The following THAP12 variants were observed in gnomAD, a reference collection of about 807,000 sequenced individuals.
THAP12 encodes 52 kDa repressor of the inhibitor of the protein kinase.
Under a neutral mutation model 63.0 loss-of-function variants are expected in THAP12, and 20 were observed. The observed-to-expected ratio is 0.32, with a 90% confidence interval of 0.22 to 0.46. The LOEUF is 0.46. Ranked by LOEUF, THAP12 falls within the 20% of genes least tolerant of loss-of-function variation. The probability of loss-of-function intolerance (pLI) is 1.00; values close to 1 mark genes in which losing one functional copy is unlikely to be tolerated. For synonymous variants in THAP12, 264 were observed against 328.4 expected, an observed-to-expected ratio of 0.80 and a Z score of 2.12; for missense variants, 568 against 908.2, an observed-to-expected ratio of 0.63 and a Z score of 4.81.
intron 1 of THAP12, among the ~76,000 whole-genome samples, chr11:76,374,585 T>G (rs994606733): frequency 6.6e-6 from 1 of 152,164 alleles, no homozygotes; most frequent in Non-Finnish European, 1.5e-5. Flanking sequence ...AACACTCAGA[T>G]CTGAATAATA....
intron 1 of THAP12, among the ~76,000 whole-genome samples, chr11:76,371,133 C>T (rs1453452754): frequency 6.6e-6 from 1 of 152,180 alleles, no homozygotes; most frequent in African/African-American, 2.4e-5. Flanking sequence ...CTACTAGTAT[C>T]TCTTCCAAAC....
chr11:76,353,102 G>C (rs1039545333), intron 4 of THAP12, among the ~76,000 whole-genome samples: 1 of 151,984 alleles, frequency 6.6e-6, no homozygotes, highest in African/African-American at 2.4e-5. Flanking sequence ...GCCCAGGCTG[G>C]TCTTGAACTC....
intron 1 of THAP12, among the ~76,000 whole-genome samples, chr11:76,374,485 C>T (rs986195655): frequency 6.6e-6 from 1 of 151,780 alleles, no homozygotes; most frequent in Admixed American, 6.6e-5. Flanking sequence ...ATAAATTTTC[C>T]AAAATTCTAA....
At chr11:76,373,006 C>T (rs1946684813) in intron 1 of THAP12, among the ~76,000 whole-genome samples, 1 of 152,134 alleles carries the variant, frequency 6.6e-6, no homozygotes, top group Non-Finnish European at 1.5e-5. Context: ...TAGCTAACCT[C>T]TCTGTACCTA....
chr11:76,369,611 T>C (rs935997288), intron 1 of THAP12, among the ~76,000 whole-genome samples: 1 of 152,070 alleles, frequency 6.6e-6, no homozygotes, highest in Non-Finnish European at 1.5e-5. Context: ...TCAATGTGCC[T>C]AGACTGCTTG....
intron 1 of THAP12, among the ~76,000 whole-genome samples, chr11:76,375,189 G>A (rs1168455158): frequency 6.6e-6 from 1 of 152,174 alleles, no homozygotes; most frequent in East Asian, 1.9e-4. Flanking sequence ...AACCTTGGAA[G>A]CCCTCACCCA....
At chr11:76,377,405 A>T (rs1318627209) in intron 1 of THAP12, among the ~76,000 whole-genome samples, 1 of 151,490 alleles carries the variant, frequency 6.6e-6, no homozygotes, top group Non-Finnish European at 1.5e-5. Context: ...GTTGCTCCCC[A>T]CTCTCCCTTT....
chr11:76,368,650 G>C (rs114707188), intron 1 of THAP12: 5 of 152,310 alleles, frequency 3.3e-5, no homozygotes, highest in African/African-American at 1.2e-4. Flanking sequence ...AGGTAGCTCT[G>C]AACAGCAGCA....
chr11:76,351,124 T>G lies in THAP12; in HGVS notation c.2026A>C (p.Asn676His). 1.2e-6 allele frequency: 2 copies of G among 1,609,166 alleles called. No individual in the cohort carries two copies. Among genetic ancestry groups the G allele is most frequent in the Non-Finnish European group, 1.7e-6 (2 of 1,178,542 alleles). ...AGGACCTTCAGCAATGCATACACAT[T>G]AGGAAAAAACTTGATGTCAGGCAGG... Reference protein sequence around the residue: ...LHLPDIKFFPNVYALLKVLCI... With the variant: ...LHLPDIKFFPHVYALLKVLCI... The change falls in exon 5 of 5, where the codon AAT becomes CAT. Residue 676 changes from asparagine to histidine, a missense_variant. By Grantham distance (68) the Asn-to-His change is moderately conservative (BLOSUM62 1). Coordinates refer to ENST00000260045, the MANE Select transcript of THAP12 (RefSeq NM_004705.4).
At chr11:76,356,512 T>C (rs571066881) in intron 3 of THAP12, 5 of 152,216 alleles carry the variant, frequency 3.3e-5, no homozygotes, top group Admixed American at 6.5e-5. Flanking sequence ...CAGCAAGTGA[T>C]TGAGCTCCTC....
chr11:76,360,871 G>A (rs1392173442), intron 3 of THAP12, 85 bp downstream of exon 3: 1 of 900,704 alleles, frequency 1.1e-6, no homozygotes, highest in East Asian at 2.5e-5. Flanking sequence ...AGAGTAATTT[G>A]GATTAATTTT....
intron 1 of THAP12, among the ~76,000 whole-genome samples, chr11:76,377,056 C>T (rs893255781): frequency 3.3e-5 from 5 of 152,304 alleles, no homozygotes; most frequent in African/African-American, 1.2e-4. Context: ...GAACTTAAAA[C>T]ACTGGGAATG....
intron 3 of THAP12, chr11:76,356,259 G>A (rs1323703261): frequency 6.6e-6 from 1 of 152,200 alleles, no homozygotes; most frequent in Non-Finnish European, 1.5e-5. Context: ...TGAGCCACCT[G>A]TTACTTTCTG....
At chr11:76,372,651 C>G (rs1042148358) in intron 1 of THAP12, among the ~76,000 whole-genome samples, 1 of 150,646 alleles carries the variant, frequency 6.6e-6, no homozygotes, top group Non-Finnish European at 1.5e-5. Context: ...TTTGAGAGGC[C>G]AAGGCAAGAG....
Position 76,350,618 on chromosome 11 carries a change from A to G in THAP12, c.*246T>C. Reference sequence around the variant, plus strand: ...AATGACTTAACTGAAACAATTCCAGAGTGCCATCAACAGAGATCACGCAAA... The same window carrying G: ...AATGACTTAACTGAAACAATTCCAGGGTGCCATCAACAGAGATCACGCAAA... On this transcript the variant is annotated 3_prime_UTR_variant, in exon 5 of 5. Transcript: ENST00000260045. 1 of 331,802 alleles carries G rather than the reference A, an allele frequency of 3.0e-6. No individual in the cohort carries two copies. The allele number at this position is 331,802 out of a possible 1,614,324, so 20.6% of individuals were successfully genotyped here. A position where few individuals can be genotyped will look rare whatever the true frequency, so the allele number is the denominator to read the frequency against.
At position 76,350,367 on chromosome 11, in the gene THAP12, T is replaced by C. The variant is rs1265633066; in HGVS notation, c.*497A>G. The C allele has an allele frequency of 6.6e-6, 1 of 152,446 alleles. No individual in the cohort carries two copies. The highest frequency in any genetic ancestry group is 2.4e-5 in the African/African-American group (1 of 41,474). The allele number at this position is 152,446 out of a possible 1,614,324, so 9.4% of individuals were successfully genotyped here. On this transcript the variant is annotated 3_prime_UTR_variant, in exon 5 of 5. Coordinates refer to ENST00000260045, the MANE Select transcript of THAP12 (RefSeq NM_004705.4). Reference sequence around the variant, plus strand: ...AAGACAAAATCTACACTGAAATCCTTGTTTGGTGAGCTCACAAGCTTTTCT... The same window carrying C: ...AAGACAAAATCTACACTGAAATCCTCGTTTGGTGAGCTCACAAGCTTTTCT...
intron 1 of THAP12, among the ~76,000 whole-genome samples, chr11:76,373,884 T>C (rs1374873326): frequency 6.6e-6 from 1 of 152,150 alleles, no homozygotes; most frequent in Non-Finnish European, 1.5e-5. Context: ...AAAATATTTA[T>C]TAATTCATTA....
At position 76,351,842 on chromosome 11, in the gene THAP12, A is replaced by G; in HGVS notation, c.1308T>C (p.Ile436=). The G allele has an allele frequency of 1.2e-6, 2 of 1,600,294 alleles. No homozygotes were observed. Among genetic ancestry groups the G allele is most frequent in the Non-Finnish European group, 1.7e-6 (2 of 1,172,910 alleles). ...QWTGRHDAFE[I]LVELLQALVL... ...CAAGTGCTTGCAGGAGTTCCACTAA[A>G]ATTTCAAAAGCATCATGCCTGCCTG... is the stretch of plus-strand genomic sequence containing the variant. The change falls in exon 5 of 5, where the codon ATT becomes ATC. Residue 436 remains isoleucine, a synonymous_variant. Coordinates refer to ENST00000260045, the MANE Select transcript of THAP12 (RefSeq NM_004705.4).
chr11:76,356,656 T>C (rs1946563220), intron 3 of THAP12: 1 of 152,224 alleles, frequency 6.6e-6, no homozygotes, highest in Admixed American at 6.5e-5. Flanking sequence ...CTACATAACG[T>C]AGCATAACTA....
Sources: gnomAD v4.1 joint callset for allele counts (sites outside exome capture counted in the v4.1 genomes callset) on GRCh38, gnomAD v4.1.1 for gene constraint, MANE v1.5 for transcripts, NCBI Gene and HGNC (gene_info 2026-07-23, HGNC 2026-07-21) for gene names.